Variants in NETO1 observed in about 807,000 individuals in gnomAD.
NETO1 encodes neuropilin and tolloid-like protein 1.
In NETO1, 26 loss-of-function variants were observed where a neutral mutation model predicts 61.3. The observed-to-expected ratio is 0.42, with a 90% CI of 0.31 to 0.59. NETO1 has a LOEUF of 0.59. NETO1 is among the 20% of genes least tolerant of loss of function. The probability of loss-of-function intolerance (pLI) is 0.12; values close to 1 mark genes in which losing one functional copy is unlikely to be tolerated. For synonymous variants in NETO1, 225 were observed against 225.8 expected, an observed-to-expected ratio of 1.00 and a Z score of 0.03; for missense variants, 531 against 662.8, an observed-to-expected ratio of 0.80 and a Z score of 2.18.
At chr18:72,845,869 C>T (rs1202352018) in intron 4 of NETO1, among the ~76,000 whole-genome samples, 1 of 152,138 alleles carries the variant, frequency 6.6e-6, no homozygotes. Context: ...TATTACTTTG[C>T]AGTCTAGAAG....
At chr18:72,809,429 C>T (rs1426489005) in intron 4 of NETO1, among the ~76,000 whole-genome samples, 1 of 152,144 alleles carries the variant, frequency 6.6e-6, no homozygotes, top group Non-Finnish European at 1.5e-5. Context: ...CATCAATTGC[C>T]TCGCTTCTAA....
At chr18:72,750,760 C>A in intron 8 of NETO1, 140 bp from the exon 9 acceptor site, 1 of 581,618 alleles carries the variant, frequency 1.7e-6, no homozygotes, top group Non-Finnish European at 2.9e-6. Flanking sequence ...CTTATAATAA[C>A]TTAAGAAAAT....
chr18:72,845,257 T>C (rs890620142), intron 4 of NETO1, among the ~76,000 whole-genome samples: 5 of 152,188 alleles, frequency 3.3e-5, no homozygotes, highest in African/African-American at 1.2e-4. Context: ...TAATGCTATC[T>C]GTCAAGTGCT....
At chr18:72,834,872 G>T in intron 4 of NETO1, 1 of 907,934 alleles carries the variant, frequency 1.1e-6, no homozygotes, top group Non-Finnish European at 1.3e-6. Flanking sequence ...TGTAATACAA[G>T]AATAAATTAT....
chr18:72,835,750 G>A (rs2073724422), intron 4 of NETO1, among the ~76,000 whole-genome samples: 1 of 152,182 alleles, frequency 6.6e-6, no homozygotes, highest in Non-Finnish European at 1.5e-5. Context: ...AAAAACTGCA[G>A]TAACTGTAGA....
At chr18:72,759,681 C>T (rs1309640729) in intron 7 of NETO1, among the ~76,000 whole-genome samples, 1 of 152,292 alleles carries the variant, frequency 6.6e-6, no homozygotes, top group East Asian at 1.9e-4. Flanking sequence ...CATGTATTCT[C>T]AGAAACTAAA....
At chr18:72,831,543 C>T (rs1387178145) in intron 4 of NETO1, among the ~76,000 whole-genome samples, 1 of 152,182 alleles carries the variant, frequency 6.6e-6, no homozygotes, top group Non-Finnish European at 1.5e-5. Flanking sequence ...CTTTAATTCA[C>T]CTGGACATCT....
chr18:72,828,070 T>C (rs1480297690), intron 4 of NETO1, among the ~76,000 whole-genome samples: 9 of 152,050 alleles, frequency 5.9e-5, no homozygotes, highest in African/African-American at 1.9e-4. Context: ...CCCAACACTT[T>C]GTGAGGCCAA....
At chr18:72,808,417 ATT>A (rs1291349500) in intron 4 of NETO1, among the ~76,000 whole-genome samples, 2 of 38,530 alleles carry the variant, frequency 5.2e-5, no homozygotes, top group Middle Eastern at 0.021. Context: ...GGCACTGCAG[ATT>A]TGTGTGTGTG....
chr18:72,756,742 T>G (rs184744330), intron 7 of NETO1, among the ~76,000 whole-genome samples: 1 of 152,260 alleles, frequency 6.6e-6, no homozygotes, highest in East Asian at 1.9e-4. Context: ...TTACTACGCA[T>G]GTATTTCATA....
chr18:72,836,072 C>G (rs2073738218), intron 4 of NETO1, among the ~76,000 whole-genome samples: 1 of 152,182 alleles, frequency 6.6e-6, no homozygotes, highest in Admixed American at 6.5e-5. Context: ...TCATAAAAGA[C>G]AGAATTTCTC....
chr18:72,743,755 A>G (rs2070374935), downstream of NETO1: 8 of 152,308 alleles, frequency 5.3e-5, no homozygotes, highest in South Asian at 1.7e-3. Context: ...TACAAATTTG[A>G]TAATGTGATA....
chr18:72,844,691 T>A (rs1599138089), intron 4 of NETO1, among the ~76,000 whole-genome samples: 1 of 152,380 alleles, frequency 6.6e-6, no homozygotes, highest in Non-Finnish European at 1.5e-5. Context: ...GTCATTCAGG[T>A]AAATTTCATT....
Position 72,827,239 on chromosome 18 carries a change from T to C in NETO1, c.469+31587A>G, listed in dbSNP as rs116373459. On this transcript the variant is annotated intron_variant, in intron 4 of 10. Transcript: ENST00000327305. ...ATATATCCATAGTAAAACAATTACT[T>C]AAAAACAACTGAGGACTTTATGCAA... Among the ~76,000 whole-genome samples the C allele has an allele frequency of 5.7e-3, 872 of 152,268 alleles. 10 individuals carry two copies. Among genetic ancestry groups the C allele is most frequent in the East Asian group, 0.053 (275 of 5,180 alleles).
At chr18:72,813,064 T>C (rs9807130) in intron 4 of NETO1, among the ~76,000 whole-genome samples, 22,701 of 152,086 alleles carry the variant, frequency 0.15, 1,891 homozygotes, top group Middle Eastern at 0.23. Context: ...ACAGGGAGAT[T>C]CACCACCACT....
At chr18:72,866,772 G>A (rs897381981) in intron 1 of NETO1, 5 of 992,738 alleles carry the variant, frequency 5.0e-6, no homozygotes, top group Non-Finnish European at 6.0e-6. Context: ...GCGGTCTCCA[G>A]GGCGGAAAGG....
At chr18:72,787,078 C>T (rs184301710) in intron 6 of NETO1, among the ~76,000 whole-genome samples, 2 of 148,290 alleles carry the variant, frequency 1.3e-5, no homozygotes, top group African/African-American at 2.5e-5. Flanking sequence ...AGTTTGTTTA[C>T]TTTTGTTTAC....
At position 72,867,327 on chromosome 18, in the gene NETO1, A is replaced by G. The variant is rs1469421070; in HGVS notation, c.-36T>C. On this transcript the variant is annotated 5_prime_UTR_variant, in exon 1 of 11. Coordinates refer to ENST00000327305, the MANE Select transcript of NETO1 (RefSeq NM_138966.5). ...TACACCAGAGGCTCCGGGCTCCACT[A>G]ATTCCATTTAGAGACGGGAAGACTT... The G allele has an allele frequency of 6.5e-7, 1 of 1,548,374 alleles. No individual in the cohort carries two copies.
intron 4 of NETO1, among the ~76,000 whole-genome samples, chr18:72,811,402 T>C (rs566728147): frequency 3.0e-4 from 46 of 152,380 alleles, no homozygotes; most frequent in African/African-American, 1.0e-3. Context: ...CCATCAGCTA[T>C]GGCTTTCTTC....
Sources: gnomAD v4.1 joint callset for allele counts (sites outside exome capture counted in the v4.1 genomes callset) on GRCh38, gnomAD v4.1.1 for gene constraint, MANE v1.5 for transcripts, NCBI Gene and HGNC (gene_info 2026-07-23, HGNC 2026-07-21) for gene names.